The following MAPK8 variants were observed in gnomAD, a reference collection of about 807,000 sequenced individuals.
The protein encoded by MAPK8 is mitogen-activated protein kinase 8.
MAPK8 carries 13 observed loss-of-function variants against 52.9 expected under a neutral mutation model. The observed-to-expected ratio is 0.25, with a 90% confidence interval of 0.16 to 0.39. MAPK8 has a LOEUF of 0.39. Among genes scored for constraint, MAPK8 ranks in the 10% least tolerant of loss-of-function variants. MAPK8 has a pLI of 1.00. For missense variants in MAPK8, 300 were observed against 519.2 expected (o/e 0.58, Z 4.10); for synonymous variants, 191 against 169.8 (o/e 1.12, Z -0.97).
At chr10:48,348,087 C>G (rs1845959801) in intron 1 of MAPK8, among the ~76,000 whole-genome samples, 1 of 152,228 alleles carries the variant, frequency 6.6e-6, no homozygotes, top group South Asian at 2.1e-4. Context: ...GTTCGCCATT[C>G]TAACTGGCGT....
chr10:48,356,264 C>T (rs987367674), intron 1 of MAPK8, among the ~76,000 whole-genome samples: 7 of 152,046 alleles, frequency 4.6e-5, no homozygotes, highest in Non-Finnish European at 8.8e-5. Context: ...CTGTAAGGTA[C>T]TTGTGAGGAC....
intron 5 of MAPK8, among the ~76,000 whole-genome samples, chr10:48,414,241 G>A (rs574843323): frequency 6.6e-6 from 1 of 152,056 alleles, no homozygotes; most frequent in East Asian, 1.9e-4. Flanking sequence ...TATTTATTGT[G>A]TGTCAGTTCT....
chr10:48,352,176 T>G (rs1351092539), intron 1 of MAPK8, among the ~76,000 whole-genome samples: 2 of 152,192 alleles, frequency 1.3e-5, no homozygotes, highest in Non-Finnish European at 2.9e-5. Context: ...CCGAATGATT[T>G]CATTGGAGAA....
chr10:48,372,544 C>T (rs1261551684), intron 1 of MAPK8, among the ~76,000 whole-genome samples: 1 of 151,926 alleles, frequency 6.6e-6, no homozygotes, highest in Non-Finnish European at 1.5e-5. Flanking sequence ...CCTGATGGAA[C>T]TGAAAAACAC....
chr10:48,339,714 GA>G (rs1478772603), intron 1 of MAPK8, among the ~76,000 whole-genome samples: 1 of 151,838 alleles, frequency 6.6e-6, no homozygotes, highest in Non-Finnish European at 1.5e-5. Flanking sequence ...GAATCAATAA[GA>G]AAAAATAACT....
chr10:48,363,656 A>G (rs1482822902), intron 1 of MAPK8, among the ~76,000 whole-genome samples: 1 of 152,246 alleles, frequency 6.6e-6, no homozygotes, highest in Non-Finnish European at 1.5e-5. Flanking sequence ...GGAATTGAGC[A>G]GTAGGACGTT....
At position 48,416,662 on chromosome 10, in the gene MAPK8, G is replaced by A. The variant is rs575197967; in HGVS notation, c.451-3493G>A. Among the ~76,000 whole-genome samples the A allele has an allele frequency of 9.9e-5, 15 of 152,270 alleles. No homozygotes were observed. The South Asian group carries it at 2.9e-3, about 30-fold the overall frequency. On this transcript the variant is annotated intron_variant, in intron 5 of 11. Coordinates refer to ENST00000374189, the MANE Select transcript of MAPK8 (RefSeq NM_001323329.2). ...GATGGAGTGGTCAGACAGGGCCAGT[G>A]TTATCACAGTGAACAATCCCATTTA...
At chr10:48,330,211 AAAT>A (rs1272631277) in intron 1 of MAPK8, among the ~76,000 whole-genome samples, 1 of 152,216 alleles carries the variant, frequency 6.6e-6, no homozygotes, top group Non-Finnish European at 1.5e-5. Flanking sequence ...CTTAATAGAG[AAAT>A]AATTTTTATA....
chr10:48,383,117 G>A (rs533475286), intron 1 of MAPK8, among the ~76,000 whole-genome samples: 15 of 151,208 alleles, frequency 9.9e-5, no homozygotes, highest in Admixed American at 4.6e-4. Context: ...TTTAACCAAG[G>A]GTACCTTTCC....
chr10:48,344,525 A>G (rs1845588096), intron 1 of MAPK8, among the ~76,000 whole-genome samples: 2 of 152,182 alleles, frequency 1.3e-5, no homozygotes, highest in South Asian at 4.1e-4. Flanking sequence ...TGGTGGTGGC[A>G]TTCTCAGCAT....
At chr10:48,386,500 T>C (rs998970899) in intron 1 of MAPK8, among the ~76,000 whole-genome samples, 1 of 152,200 alleles carries the variant, frequency 6.6e-6, no homozygotes, top group Non-Finnish European at 1.5e-5. Flanking sequence ...CTGACACTAA[T>C]AATCTACATG....
At chr10:48,381,370 T>C (rs2040993993) in intron 1 of MAPK8, among the ~76,000 whole-genome samples, 2 of 152,198 alleles carry the variant, frequency 1.3e-5, no homozygotes, top group Admixed American at 1.3e-4. Flanking sequence ...CCTCCTCTCT[T>C]TTTTATAACT....
chr10:48,405,873 A>G (rs1304490763), intron 3 of MAPK8, among the ~76,000 whole-genome samples: 1 of 107,634 alleles, frequency 9.3e-6, no homozygotes, highest in African/African-American at 3.5e-5. Flanking sequence ...TATTGGAGTT[A>G]CTGGGTTCAT....
chr10:48,387,395 G>A (rs1398113965), intron 1 of MAPK8, among the ~76,000 whole-genome samples: 2 of 152,118 alleles, frequency 1.3e-5, no homozygotes, highest in East Asian at 1.9e-4. Flanking sequence ...CTTTATAAGC[G>A]AGTAGTACAG....
chr10:48,333,945 C>G (rs1357818967), intron 1 of MAPK8, among the ~76,000 whole-genome samples: 1 of 151,152 alleles, frequency 6.6e-6, no homozygotes, highest in African/African-American at 2.4e-5. Flanking sequence ...GCGCTTCTGC[C>G]ATCTCCACCT....
chr10:48,351,272 A>ATCTTT (rs1846296540), intron 1 of MAPK8, among the ~76,000 whole-genome samples: 1 of 129,536 alleles, frequency 7.7e-6, no homozygotes, highest in African/African-American at 3.0e-5. Context: ...ATAACTTTGA[A>ATCTTT]TTTTTTTTTT....
At chr10:48,333,100 G>A (rs376563681) in intron 1 of MAPK8, among the ~76,000 whole-genome samples, 10 of 152,242 alleles carry the variant, frequency 6.6e-5, no homozygotes, top group African/African-American at 2.4e-4. Context: ...CTAAGGTCTG[G>A]TCTAACTTTG....
intron 1 of MAPK8, among the ~76,000 whole-genome samples, chr10:48,334,747 A>C (rs1844507209): frequency 6.6e-6 from 1 of 152,134 alleles, no homozygotes; most frequent in African/African-American, 2.4e-5. Context: ...CACCCGTCCA[A>C]ACCCAAATAA....
Position 48,436,210 on chromosome 10 carries a change from T to C in MAPK8, c.*1181T>C, listed in dbSNP as rs1311038398. On this transcript the variant is annotated 3_prime_UTR_variant, in exon 12 of 12. Transcript: ENST00000374189. ...AGGATATCATTTTCTAAGGACTGTT[T>C]CTTCACATTGAGCAGAGCAGGCATA... The C allele has an allele frequency of 1.3e-5, 2 of 152,250 alleles. No individual in the cohort carries two copies. Among genetic ancestry groups the C allele is most frequent in the Non-Finnish European group, 2.9e-5 (2 of 68,042 alleles). The allele number at this position is 152,250 out of a possible 1,614,324, so 9.4% of individuals were successfully genotyped here.
Sources: allele counts gnomAD v4.1 joint callset (sites outside exome capture counted in the v4.1 genomes callset), GRCh38; gene constraint gnomAD v4.1.1; transcripts MANE v1.5; gene names NCBI Gene and HGNC (gene_info 2026-07-23, HGNC 2026-07-21).